The following RAP1A variants were observed in gnomAD, a reference collection of about 807,000 sequenced individuals.
The protein encoded by RAP1A is ras-related protein Rap-1A.
A neutral mutation model predicts 26.4 loss-of-function variants in RAP1A; 6 were observed. The observed-to-expected ratio is 0.23, with a 90% CI of 0.12 to 0.45. The LOEUF (loss-of-function observed/expected upper bound fraction) is 0.45, where lower values mean the gene tolerates loss of function less well. Among genes scored for constraint, RAP1A ranks in the 20% least tolerant of loss-of-function variants. RAP1A has a pLI of 0.99. For synonymous variants in RAP1A, 73 were observed against 79.4 expected (o/e 0.92, Z 0.43); for missense variants, 121 against 217.2 (o/e 0.56, Z 2.78).
At chr1:111,593,734 T>C (rs1348648627) in intron 1 of RAP1A, among the ~76,000 whole-genome samples, 2 of 135,178 alleles carry the variant, frequency 1.5e-5, no homozygotes, top group African/African-American at 5.6e-5. Flanking sequence ...ACAAGACAAA[T>C]GGTCTGATTT....
At chr1:111,622,302 C>T (rs891817354) in intron 1 of RAP1A, among the ~76,000 whole-genome samples, 1 of 152,218 alleles carries the variant, frequency 6.6e-6, no homozygotes, top group Non-Finnish European at 1.5e-5. Context: ...TTACCATGGC[C>T]TACAAGCCTT....
intron 7 of RAP1A, among the ~76,000 whole-genome samples, chr1:111,710,471 G>A (rs1662342239): frequency 6.6e-6 from 1 of 152,188 alleles, no homozygotes; most frequent in Admixed American, 6.5e-5. Flanking sequence ...TTTTCATGGA[G>A]TGGATTTATT....
At chr1:111,704,236 C>A in intron 5 of RAP1A, 107 bp from the exon 6 acceptor site, 1 of 1,169,216 alleles carries the variant, frequency 8.6e-7, no homozygotes, top group South Asian at 1.7e-5. Context: ...AGCTTGCGGT[C>A]CCAACTAATG....
chr1:111,693,810 T>A (rs1661746706), intron 2 of RAP1A, among the ~76,000 whole-genome samples: 1 of 152,238 alleles, frequency 6.6e-6, no homozygotes, highest in Non-Finnish European at 1.5e-5. Flanking sequence ...AGGAAGATAG[T>A]TTGACCTTAG....
chr1:111,672,596 C>T (rs1156777219), intron 1 of RAP1A, among the ~76,000 whole-genome samples: 3 of 152,050 alleles, frequency 2.0e-5, no homozygotes, highest in African/African-American at 7.2e-5. Context: ...GGTGACTGCA[C>T]GGCAGCCTAA....
At chr1:111,563,512 A>G (rs920753731) in intron 1 of RAP1A, among the ~76,000 whole-genome samples, 1 of 152,226 alleles carries the variant, frequency 6.6e-6, no homozygotes, top group Admixed American at 6.5e-5. Flanking sequence ...ATATAACAAA[A>G]TAAAAGTTTA....
intron 1 of RAP1A, among the ~76,000 whole-genome samples, chr1:111,625,828 C>T (rs1206197735): frequency 6.6e-6 from 1 of 151,274 alleles, no homozygotes; most frequent in Non-Finnish European, 1.5e-5. Context: ...CTTTTTCTTT[C>T]ACAGAGTCTT....
chr1:111,617,898 C>G, upstream of RAP1A, among the ~76,000 whole-genome samples: 1 of 151,874 alleles, frequency 6.6e-6, no homozygotes, highest in Non-Finnish European at 1.5e-5. Context: ...ACAAAATTAG[C>G]CAGGTGTGGT....
At chr1:111,707,371 G>A (rs753070926) in intron 6 of RAP1A, among the ~76,000 whole-genome samples, 18 of 152,090 alleles carry the variant, frequency 1.2e-4, no homozygotes, top group Non-Finnish European at 2.4e-4. Flanking sequence ...CTCTTAAAAT[G>A]TACTCAAATG....
chr1:111,606,351 GCC>G (rs1275318344), intron 1 of RAP1A, among the ~76,000 whole-genome samples: 1 of 152,022 alleles, frequency 6.6e-6, no homozygotes, highest in Non-Finnish European at 1.5e-5. Flanking sequence ...AAAAAAAAAT[GCC>G]TTCATTCTCA....
intron 1 of RAP1A, among the ~76,000 whole-genome samples, chr1:111,689,692 C>T (rs1037001163): frequency 4.0e-5 from 6 of 151,692 alleles, no homozygotes; most frequent in Admixed American, 1.3e-4. Context: ...TTTTTTGAGA[C>T]GCAGTCTCGC....
At chr1:111,571,270 C>T (rs1658042917) in intron 1 of RAP1A, among the ~76,000 whole-genome samples, 1 of 152,206 alleles carries the variant, frequency 6.6e-6, no homozygotes, top group African/African-American at 2.4e-5. Context: ...CACACTCTGT[C>T]CAGGTGCACC....
At chr1:111,648,966 G>C (rs1660169772) in intron 1 of RAP1A, 1 of 655,606 alleles carries the variant, frequency 1.5e-6, no homozygotes, top group East Asian at 3.3e-5. Flanking sequence ...TTCGTTGAGA[G>C]CCTCGATCTC....
intron 1 of RAP1A, among the ~76,000 whole-genome samples, chr1:111,669,026 G>GAA (rs58557062): frequency 5.0e-4 from 10 of 19,836 alleles, no homozygotes; most frequent in Non-Finnish European, 5.8e-4. Flanking sequence ...CCTATCTCAA[G>GAA]AAAAAAAAAA....
At chr1:111,697,080 G>A (rs888996164) in intron 3 of RAP1A, among the ~76,000 whole-genome samples, 1 of 152,066 alleles carries the variant, frequency 6.6e-6, no homozygotes, top group Non-Finnish European at 1.5e-5. Context: ...TGTTTTCTTT[G>A]GAGATAATAT....
intron 1 of RAP1A, among the ~76,000 whole-genome samples, chr1:111,642,844 G>A (rs1659938424): frequency 7.3e-6 from 1 of 136,864 alleles, no homozygotes; most frequent in South Asian, 2.4e-4. Context: ...GGAGTGTAGT[G>A]TGATCTTGGC....
chr1:111,642,723 G>C (rs1248831721), intron 1 of RAP1A, among the ~76,000 whole-genome samples: 3 of 150,744 alleles, frequency 2.0e-5, no homozygotes, highest in Admixed American at 2.0e-4. Flanking sequence ...TCCTGACCTC[G>C]TGATCCACCC....
At chr1:111,576,203 T>C (rs1193868256) in intron 1 of RAP1A, among the ~76,000 whole-genome samples, 1 of 152,186 alleles carries the variant, frequency 6.6e-6, no homozygotes, top group Admixed American at 6.6e-5. Context: ...AAGCTCCCAG[T>C]TGATTCTGAT....
At position 111,714,475 on chromosome 1, in the gene RAP1A, C is replaced by T. The variant is rs568752653; in HGVS notation, c.*2074C>T. On this transcript the variant is annotated 3_prime_UTR_variant, in exon 8 of 8. Coordinates refer to ENST00000369709, the MANE Select transcript of RAP1A (RefSeq NM_002884.4). Reference sequence around the variant, plus strand: ...GAAGTCATTTAATAAGACTCCAAGTCTCAGTCTGCTTGACTAGTAGCATAA... The same window carrying T: ...GAAGTCATTTAATAAGACTCCAAGTTTCAGTCTGCTTGACTAGTAGCATAA... The T allele has an allele frequency of 4.0e-4, 61 of 152,338 alleles. No homozygotes were observed. The highest frequency in any genetic ancestry group is 1.3e-3 in the African/African-American group (54 of 41,576). The allele number at this position is 152,338 out of a possible 1,614,324, so 9.4% of individuals were successfully genotyped here. A position where few individuals can be genotyped will look rare whatever the true frequency, so the allele number is the denominator to read the frequency against.
Sources: gnomAD v4.1 joint callset for allele counts (sites outside exome capture counted in the v4.1 genomes callset) on GRCh38, gnomAD v4.1.1 for gene constraint, MANE v1.5 for transcripts, NCBI Gene and HGNC (gene_info 2026-07-23, HGNC 2026-07-21) for gene names.